The following KCNH8 variants were observed in gnomAD, a reference collection of about 807,000 sequenced individuals.
The protein encoded by KCNH8 is potassium voltage-gated channel subfamily H member 8.
KCNH8 carries 70 observed loss-of-function variants against 103.6 expected under a neutral mutation model. The observed-to-expected ratio is 0.68, with a 90% CI of 0.56 to 0.82. The LOEUF (loss-of-function observed/expected upper bound fraction) is 0.82. Among genes scored for constraint, KCNH8 ranks in the 40% least tolerant of loss-of-function variants. The pLI is 0.00. For synonymous variants in KCNH8, 498 were observed against 489.4 expected (o/e 1.02, Z -0.23); for missense variants, 1,217 against 1,329.9 (o/e 0.92, Z 1.32).
intron 7 of KCNH8, among the ~76,000 whole-genome samples, chr3:19,437,482 T>G (rs937280504): frequency 2.4e-4 from 37 of 152,200 alleles, no homozygotes; most frequent in African/African-American, 8.9e-4. Flanking sequence ...ATATACATAG[T>G]ATCATAAAAC....
chr3:19,209,481 C>A (rs1358489461), intron 1 of KCNH8, among the ~76,000 whole-genome samples: 1 of 151,992 alleles, frequency 6.6e-6, no homozygotes, highest in Admixed American at 6.6e-5. Context: ...TTCTTCTAAA[C>A]AAAGCTAATT....
At chr3:19,347,531 G>C (rs936813474) in intron 4 of KCNH8, among the ~76,000 whole-genome samples, 194 bp from the exon 5 acceptor site, 5 of 151,982 alleles carry the variant, frequency 3.3e-5, no homozygotes, top group East Asian at 1.9e-4. Flanking sequence ...GCATATTCCT[G>C]TTCCTTATAA....
intron 1 of KCNH8, among the ~76,000 whole-genome samples, chr3:19,249,605 G>A (rs2064250469): frequency 6.6e-6 from 1 of 152,104 alleles, no homozygotes; most frequent in South Asian, 2.1e-4. Context: ...TGAGGGACTG[G>A]TCTTTTCTTA....
intron 7 of KCNH8, among the ~76,000 whole-genome samples, chr3:19,404,850 T>C (rs1274118756): frequency 6.6e-6 from 1 of 151,958 alleles, no homozygotes; most frequent in Non-Finnish European, 1.5e-5. Flanking sequence ...AAATATAGCA[T>C]TTTAATCATG....
chr3:19,233,814 A>C (rs1253587345), intron 1 of KCNH8, among the ~76,000 whole-genome samples: 1 of 152,068 alleles, frequency 6.6e-6, no homozygotes, highest in African/African-American at 2.4e-5. Flanking sequence ...ACAGTTCTTA[A>C]AGGCGGCGTG....
At position 19,260,513 on chromosome 3, in the gene KCNH8, T is replaced by C. The variant is rs1207838466; in HGVS notation, c.310+6626T>C. 3.6e-4 allele frequency among the ~76,000 whole-genome samples: 47 copies of C among 129,920 alleles called. 3 individuals carry two copies. The highest frequency in any genetic ancestry group is 3.9e-3 in the Middle Eastern group (1 of 256). 85.2% of individuals were successfully genotyped at this position (129,920 alleles called of 152,430 possible). The stretch of plus-strand genomic sequence containing the variant: ...ATATATATATATATATATATATATA[T>C]ATATATATATATATATATATAGTAA... On this transcript the variant is annotated intron_variant, in intron 2 of 15. Transcript: ENST00000328405.
intron 11 of KCNH8, among the ~76,000 whole-genome samples, chr3:19,486,982 A>G (rs1437143819): frequency 1.3e-5 from 2 of 152,144 alleles, no homozygotes; most frequent in Non-Finnish European, 2.9e-5. Context: ...CCAGGTGCTG[A>G]AGTAGGACAT....
At chr3:19,431,291 G>A (rs1410324702) in intron 7 of KCNH8, among the ~76,000 whole-genome samples, 1 of 152,208 alleles carries the variant, frequency 6.6e-6, no homozygotes, top group Non-Finnish European at 1.5e-5. Context: ...CACATTTATT[G>A]ATTTGTGTAT....
At chr3:19,417,616 T>C (rs978735719) in intron 7 of KCNH8, among the ~76,000 whole-genome samples, 7 of 152,110 alleles carry the variant, frequency 4.6e-5, no homozygotes, top group African/African-American at 1.7e-4. Context: ...ACCAGGAATA[T>C]AAATTATGCT....
In KCNH8 at chr3:19,518,047, G is replaced by A. The variant is rs1361494397; in HGVS notation, c.2592G>A (p.Lys864=). The part of the protein sequence containing the change: ...AVLFIKAEET[K]QQINKLNSEV... The stretch of plus-strand genomic sequence containing the variant: ...TCTTCATCAAAGCAGAGGAGACCAA[G>A]CAGCAGATAAACAAACTCAACAGTG... Residue 864 remains lysine (K), a synonymous_variant, in exon 15 of 16, where the codon AAG becomes AAA. Coordinates refer to ENST00000328405, the MANE Select transcript of KCNH8 (RefSeq NM_144633.3). The A allele has an allele frequency of 4.3e-6, 7 of 1,612,186 alleles. No individual in the cohort carries two copies. Among genetic ancestry groups the A allele is most frequent in the Non-Finnish European group, 5.1e-6 (6 of 1,178,758 alleles).
At chr3:19,498,687 T>C (rs1311788367) in intron 11 of KCNH8, among the ~76,000 whole-genome samples, 1 of 152,246 alleles carries the variant, frequency 6.6e-6, no homozygotes, top group East Asian at 1.9e-4. Flanking sequence ...TTTTCTGCTC[T>C]GTTTTTTCCC....
chr3:19,416,823 G>C (rs2066870834), intron 7 of KCNH8, among the ~76,000 whole-genome samples: 1 of 152,062 alleles, frequency 6.6e-6, no homozygotes, highest in African/African-American at 2.4e-5. Context: ...TTTTAAATTT[G>C]CTTAAAAGAG....
intron 7 of KCNH8, among the ~76,000 whole-genome samples, chr3:19,437,899 A>G (rs775993360): frequency 2.4e-4 from 36 of 152,222 alleles, no homozygotes; most frequent in Non-Finnish European, 4.8e-4. Context: ...TTCTTGCATT[A>G]GAGTAACTTG....
intron 5 of KCNH8, among the ~76,000 whole-genome samples, chr3:19,365,954 A>G (rs2066005941): frequency 6.6e-6 from 1 of 152,044 alleles, no homozygotes; most frequent in Admixed American, 6.6e-5. Context: ...CAGATGCTTT[A>G]CTCCCACATT....
At chr3:19,239,306 A>G (rs2064105528) in intron 1 of KCNH8, among the ~76,000 whole-genome samples, 1 of 152,206 alleles carries the variant, frequency 6.6e-6, no homozygotes, top group African/African-American at 2.4e-5. Flanking sequence ...TAACTAGTAC[A>G]GTCCTGGACA....
chr3:19,378,870 G>A (rs759072589), intron 5 of KCNH8, among the ~76,000 whole-genome samples: 2 of 152,174 alleles, frequency 1.3e-5, no homozygotes, highest in East Asian at 1.9e-4. Flanking sequence ...ATAAATATAT[G>A]CTATTTCTTC....
intron 1 of KCNH8, among the ~76,000 whole-genome samples, chr3:19,178,780 A>G (rs779217152): frequency 1.1e-4 from 17 of 152,148 alleles, no homozygotes; most frequent in Non-Finnish European, 1.9e-4. Context: ...GTTAGACTTT[A>G]ATAAATAGAT....
rs142631555 is a variant in KCNH8, at chr3:19,533,889, G to T, written c.3114G>T (p.Ser1038=). ...TCTCATCTTCTGTCTGCTCCTCTTC[G>T]GAAACATCTTTGCACCTAGTTCTCC... The part of the protein sequence containing the change: ...ATLSSSVCSS[S]ETSLHLVLPS... The change falls in exon 16 of 16, where the codon TCG becomes TCT. Residue 1038 remains serine, a synonymous_variant. Transcript: ENST00000328405. 11 of 1,613,892 alleles carry T rather than the reference G, an allele frequency of 6.8e-6. No individual in the cohort carries two copies. In the East Asian group the frequency reaches 2.5e-4, roughly 36 times the overall value.
intron 8 of KCNH8, among the ~76,000 whole-genome samples, chr3:19,446,369 C>T (rs2067362809): frequency 6.6e-6 from 1 of 151,994 alleles, no homozygotes; most frequent in African/African-American, 2.4e-5. Flanking sequence ...GTAATCAAGG[C>T]TTCCCTCGGG....
Sources: gnomAD v4.1 joint callset for allele counts (sites outside exome capture counted in the v4.1 genomes callset) on GRCh38, gnomAD v4.1.1 for gene constraint, MANE v1.5 for transcripts, NCBI Gene and HGNC (gene_info 2026-07-23, HGNC 2026-07-21) for gene names.